The following SHPK variants were observed in gnomAD, a reference collection of about 807,000 sequenced individuals.
SHPK encodes the protein carbohydrate kinase-like protein.
Under a neutral mutation model 46.3 loss-of-function variants are expected in SHPK, and 51 were observed. The ratio of observed to expected loss-of-function variants is 1.10; its 90% CI spans 0.88 to 1.39. SHPK has a LOEUF of 1.39. Ranked by LOEUF, SHPK falls within the 40% of genes most tolerant of loss-of-function variation. The pLI, the probability that SHPK is intolerant of heterozygous loss-of-function variation, is 0.00. For synonymous variants in SHPK, 290 were observed against 273.9 expected (o/e 1.06, Z -0.58); for missense variants, 668 against 641.3 (o/e 1.04, Z -0.45).
intron 1 of SHPK, among the ~76,000 whole-genome samples, chr17:3,632,302 A>G (rs1406533490): frequency 5.3e-5 from 8 of 152,308 alleles, no homozygotes; most frequent in Admixed American, 1.3e-4. Flanking sequence ...GAGTCCTCCC[A>G]GCTGGGCGCA....
At chr17:3,618,229 C>T (rs59331840) in intron 5 of SHPK, among the ~76,000 whole-genome samples, 23,515 of 151,908 alleles carry the variant, frequency 0.15, 5,104 homozygotes, top group African/African-American at 0.49. Context: ...CCTCAGCCTC[C>T]CGAGTAGCTG....
chr17:3,619,124 A>G (rs1383557294), intron 5 of SHPK: 1 of 281,410 alleles, frequency 3.6e-6, no homozygotes, highest in East Asian at 9.3e-5. Context: ...TACATAACTT[A>G]AATTGTTATT....
chr17:3,633,917 G>A (rs983828260), intron 1 of SHPK, among the ~76,000 whole-genome samples: 20 of 151,256 alleles, frequency 1.3e-4, no homozygotes, highest in Non-Finnish European at 2.2e-4. Context: ...ATTTTGTTCC[G>A]TACTAAGAAA....
rs2075399816 is a variant in SHPK, at chr17:3,621,365, T to C, written c.695A>G (p.Glu232Gly). ...AGTTCTGCCCGCCACACTGCCAGGCTCGGCGATGTCTGGGAGCAGGTGGAC... is the reference window on the plus strand; with the variant it reads ...AGTTCTGCCCGCCACACTGCCAGGCCCGGCGATGTCTGGGAGCAGGTGGAC... ...FPVHLLPDIA[E>G]PGSVAGRTSH... The change falls in exon 5 of 7, where the codon GAG becomes GGG. Residue 232 changes from glutamate to glycine, a missense_variant. By Grantham distance (98) the Glu-to-Gly change is moderately conservative. Coordinates refer to ENST00000225519, the MANE Select transcript of SHPK (RefSeq NM_013276.4). 1 of 1,614,124 alleles carries C rather than the reference T, an allele frequency of 6.2e-7. No homozygotes were observed. Among genetic ancestry groups the C allele is most frequent in the Non-Finnish European group, 8.5e-7 (1 of 1,179,994 alleles).
intron 6 of SHPK, among the ~76,000 whole-genome samples, chr17:3,614,403 T>G (rs1274312928): frequency 6.6e-6 from 1 of 152,090 alleles, no homozygotes; most frequent in African/African-American, 2.4e-5. Context: ...CGGGTGCCTG[T>G]AGTCCCAGCT....
intron 3 of SHPK, among the ~76,000 whole-genome samples, chr17:3,623,796 C>T (rs1230070323): frequency 6.6e-6 from 1 of 152,190 alleles, no homozygotes. Context: ...TCCCCGTGAC[C>T]CTCGGCAAGT....
intron 4 of SHPK, 132 bp from the exon 5 acceptor site, chr17:3,621,544 CCT>C: frequency 1.7e-6 from 1 of 580,554 alleles, no homozygotes; most frequent in East Asian, 5.2e-5. Flanking sequence ...TCCCTCCCTC[CCT>C]TCTCTTTACT....
At chr17:3,631,712 G>A (rs902802763) in intron 1 of SHPK, among the ~76,000 whole-genome samples, 2 of 150,952 alleles carry the variant, frequency 1.3e-5, no homozygotes, top group African/African-American at 2.4e-5. Flanking sequence ...TAGTAGAGAC[G>A]GGGTTTCGCC....
chr17:3,633,280 C>T (rs1026280109), intron 1 of SHPK, among the ~76,000 whole-genome samples: 2 of 151,752 alleles, frequency 1.3e-5, no homozygotes, highest in Non-Finnish European at 2.9e-5. Flanking sequence ...CGCGCCCGGC[C>T]ACAGATATGA....
chr17:3,617,327 G>A (rs1261955929), intron 5 of SHPK, among the ~76,000 whole-genome samples: 1 of 152,228 alleles, frequency 6.6e-6, no homozygotes, highest in East Asian at 1.9e-4. Flanking sequence ...TCTCCAGTAA[G>A]CCCTCTTGGA....
At chr17:3,621,841 C>G (rs560914659) in intron 4 of SHPK, among the ~76,000 whole-genome samples, 2 of 150,696 alleles carry the variant, frequency 1.3e-5, no homozygotes, top group Non-Finnish European at 3.0e-5. Context: ...TTAGTAGAGA[C>G]GGGGTTTCGC....
At chr17:3,621,889 A>G (rs1312522412) in intron 4 of SHPK, among the ~76,000 whole-genome samples, 3 of 151,360 alleles carry the variant, frequency 2.0e-5, no homozygotes, top group Non-Finnish European at 2.9e-5. Flanking sequence ...CTGACCTCAC[A>G]TCGTTCACCC....
intron 2 of SHPK, among the ~76,000 whole-genome samples, chr17:3,626,985 A>T (rs1005321461): frequency 2.0e-5 from 3 of 152,174 alleles, no homozygotes; most frequent in African/African-American, 7.2e-5. Flanking sequence ...TTACCATCCA[A>T]TGGGTGGAAA....
chr17:3,610,660 C>G lies in SHPK; in HGVS notation c.1337G>C (p.Arg446Thr), dbSNP rs2075332178. The change falls in exon 7 of 7, where the codon AGG becomes ACG. Residue 446 changes from arginine (R) to threonine (T), a missense_variant. Arg to Thr is a moderately conservative substitution (Grantham distance 71). Coordinates refer to ENST00000225519, the MANE Select transcript of SHPK (RefSeq NM_013276.4). The stretch of plus-strand genomic sequence containing the variant: ...AAAGGACATGGGCAAAGGGAAAGCC[C>G]TCTGCACCTCCTGCTTCAGCACGTC... ...RNDVLKQEVQRAFPLPMSFGQ... is the reference protein window; with the variant it reads ...RNDVLKQEVQTAFPLPMSFGQ... 6.2e-7 allele frequency: 1 copy of G among 1,614,094 alleles called. No homozygotes were observed. The highest frequency in any genetic ancestry group is 8.5e-7 in the Non-Finnish European group (1 of 1,180,038).
At position 3,622,839 on chromosome 17, in the gene SHPK, G is replaced by A. The variant is rs575360725; in HGVS notation, c.647+500C>T. ...CCTGCCTCAGCCTCCAGAGTAGCTGGGATTACAGGCGCACTCCACCACGCC... is the reference window on the plus strand; with the variant it reads ...CCTGCCTCAGCCTCCAGAGTAGCTGAGATTACAGGCGCACTCCACCACGCC... On this transcript the variant is annotated intron_variant, in intron 4 of 6. Transcript: ENST00000225519. Among the ~76,000 whole-genome samples the A allele has an allele frequency of 2.6e-5, 4 of 151,804 alleles. No homozygotes were observed. In the South Asian group the frequency reaches 8.3e-4, roughly 32 times the overall value.
chr17:3,611,151 C>T (rs1277147735), intron 6 of SHPK, among the ~76,000 whole-genome samples, 179 bp from the exon 7 acceptor site: 1 of 152,180 alleles, frequency 6.6e-6, no homozygotes, highest in Admixed American at 6.5e-5. Flanking sequence ...GCCCTGGATC[C>T]CCGCCCGCTG....
chr17:3,635,237 GGAA>G (rs1329410936), intron 1 of SHPK, among the ~76,000 whole-genome samples: 10 of 120,664 alleles, frequency 8.3e-5, no homozygotes, highest in East Asian at 2.9e-4. Flanking sequence ...AAGGAAGGAA[GGAA>G]GGAAGGGAAG....
chr17:3,620,274 T>C (rs2075392155), intron 5 of SHPK, among the ~76,000 whole-genome samples: 1 of 152,118 alleles, frequency 6.6e-6, no homozygotes, highest in Non-Finnish European at 1.5e-5. Context: ...TCTTTTTTTT[T>C]TTTTGAGACA....
At position 3,627,363 on chromosome 17, in the gene SHPK, G is replaced by T. The variant is rs928422909; in HGVS notation, c.310+2842C>A. On this transcript the variant is annotated intron_variant, in intron 2 of 6. Transcript: ENST00000225519. ...CGTCTCCTCCCCTCCAGCTCGCTCCGGGTGCCCTCACTGAAGCACTTAGCT... is the reference window on the plus strand; with the variant it reads ...CGTCTCCTCCCCTCCAGCTCGCTCCTGGTGCCCTCACTGAAGCACTTAGCT... Among the ~76,000 whole-genome samples the T allele has an allele frequency of 2.0e-5, 3 of 152,038 alleles. No individual in the cohort carries two copies. The East Asian group carries it at 5.8e-4, about 29-fold the overall frequency.
Sources: gnomAD v4.1 joint callset for allele counts (sites outside exome capture counted in the v4.1 genomes callset) on GRCh38, gnomAD v4.1.1 for gene constraint, MANE v1.5 for transcripts, NCBI Gene and HGNC (gene_info 2026-07-23, HGNC 2026-07-21) for gene names.